The following GUCA1B variants were observed in gnomAD, a reference collection of about 807,000 sequenced individuals.
GUCA1B encodes guanylate cyclase activator 1B, also known as guanylyl cyclase-activating protein 2.
A neutral mutation model predicts 24.2 loss-of-function variants in GUCA1B; 22 were observed. That is an observed-to-expected ratio of 0.91 (90% CI 0.65 to 1.30). The LOEUF (loss-of-function observed/expected upper bound fraction) is 1.30, where lower values mean the gene tolerates loss of function less well. Ranked by LOEUF, GUCA1B falls within the 50% of genes most tolerant of loss-of-function variation. GUCA1B has a pLI of 0.00. For synonymous variants in GUCA1B, 100 were observed against 97.9 expected (o/e 1.02, Z -0.13); for missense variants, 221 against 258.8 (o/e 0.85, Z 1.00).
intron 1 of GUCA1B, among the ~76,000 whole-genome samples, chr6:42,190,097 T>C (rs1768277138): frequency 6.6e-6 from 1 of 152,018 alleles, no homozygotes; most frequent in Non-Finnish European, 1.5e-5. Context: ...GTGAACAAGG[T>C]TTGAGCAACA....
rs550667287 is a variant in GUCA1B at position 42,184,740 on chromosome 6, C to A, written c.*75G>T. The A allele has an allele frequency of 6.4e-5, 90 of 1,409,560 alleles. No homozygotes were observed. The East Asian group carries it at 1.7e-3, about 27-fold the overall frequency. 87.3% of individuals were successfully genotyped at this position (1,409,560 alleles called of 1,614,324 possible). A position where few individuals can be genotyped will look rare whatever the true frequency, so the allele number is the denominator to read the frequency against. ...ACACCAGGGGAAGAGTGGGCATGAGCAGGCTGAGCCAGGGACCCTCCTACT... is the reference window on the plus strand; with the variant it reads ...ACACCAGGGGAAGAGTGGGCATGAGAAGGCTGAGCCAGGGACCCTCCTACT... On this transcript the variant is annotated 3_prime_UTR_variant, in exon 4 of 4. Transcript: ENST00000230361.
chr6:42,194,613 C>CA lies in GUCA1B; in HGVS notation c.207_207+1insT (p.Asp70Ter). 6 of 1,599,138 alleles carry CA rather than the reference C, an allele frequency of 3.8e-6. No homozygotes were observed. Among genetic ancestry groups the CA allele is most frequent in the Non-Finnish European group, 4.3e-6 (5 of 1,166,254 alleles). On this transcript the variant is annotated frameshift_variant and splice_region_variant. Coordinates refer to ENST00000230361, the MANE Select transcript of GUCA1B (RefSeq NM_002098.6). LOFTEE classifies it high-confidence loss of function. ...TGGTCCTTCCCTTCAGGGTGCCTTA[C>CA]CCCATTCTTGTCGAAGGCTCGGAAC... is the stretch of plus-strand genomic sequence containing the variant.
At chr6:42,188,140 C>G (rs1372750024) in intron 2 of GUCA1B, among the ~76,000 whole-genome samples, 1 of 152,160 alleles carries the variant, frequency 6.6e-6, no homozygotes, top group Non-Finnish European at 1.5e-5. Context: ...GCCACTGCAC[C>G]CAGCTTCTGT....
rs369754399 is a variant in GUCA1B, at chr6:42,188,651, C to T, written c.288G>A (p.Trp96Ter). Residue 96 changes from tryptophan (W) to a stop codon, truncating the protein, a stop_gained, in exon 2 of 4, where the codon TGG (tryptophan) becomes TGA (stop). Transcript: ENST00000230361. LOFTEE classifies it high-confidence loss of function. ...LRGTLEHKLK[W>*]TFKIYDKDGN... ...CATCCTTATCATAGATCTTGAATGT[C>T]CACTTCAGCTTGTGCTCCAGGGTGC... is the stretch of plus-strand genomic sequence containing the variant. The T allele has an allele frequency of 4.3e-6, 7 of 1,614,040 alleles. No homozygotes were observed. The South Asian group carries it at 7.7e-5, about 18-fold the overall frequency.
intron 3 of GUCA1B, 101 bp downstream of exon 3, chr6:42,185,579 C>T (rs1768178729): frequency 1.3e-6 from 1 of 747,486 alleles, no homozygotes; most frequent in Admixed American, 1.9e-5. Context: ...CAGATGAGGA[C>T]CCCAGGGTTG....
In GUCA1B at chr6:42,184,453, C is replaced by T. The variant is rs186489645; in HGVS notation, c.*362G>A. 92 of 351,724 alleles carry T rather than the reference C, an allele frequency of 2.6e-4. No homozygotes were observed. The East Asian group carries it at 6.4e-3, about 24-fold the overall frequency. The allele number at this position is 351,724 out of a possible 1,614,324, so 21.8% of individuals were successfully genotyped here. ...CCTGCCTCCTACCAGTCTTTGTGTTCTCATTTCTGATTTGGTCTGTGGGAC... is the reference window on the plus strand; with the variant it reads ...CCTGCCTCCTACCAGTCTTTGTGTTTTCATTTCTGATTTGGTCTGTGGGAC... On this transcript the variant is annotated 3_prime_UTR_variant, in exon 4 of 4. Transcript: ENST00000230361.
chr6:42,191,767 C>T (rs1157886425), intron 1 of GUCA1B, among the ~76,000 whole-genome samples: 2 of 152,026 alleles, frequency 1.3e-5, no homozygotes, highest in Non-Finnish European at 2.9e-5. Context: ...ATGGCAGATA[C>T]CACCTTAACC....
chr6:42,192,365 A>G, intron 1 of GUCA1B, among the ~76,000 whole-genome samples: 1 of 37,792 alleles, frequency 2.6e-5, no homozygotes, highest in African/African-American at 1.1e-4. Flanking sequence ...AAAAAAAAAA[A>G]AAAAAAAAAA....
In GUCA1B at chr6:42,194,689, G is replaced by A. The variant is rs779983727; in HGVS notation, c.132C>T (p.Arg44=). 6.2e-7 allele frequency: 1 copy of A among 1,613,710 alleles called. No individual in the cohort carries two copies. The highest frequency in any genetic ancestry group is 1.1e-5 in the South Asian group (1 of 91,074). Residue 44 remains arginine (R), a synonymous_variant, in exon 1 of 4, where the codon CGC becomes CGT. Transcript: ENST00000230361. ...CCTCATCGTCTGTGACCTTGAAGAAGCGCTTAAACTCATGCATAAAGAGTG... is the reference window on the plus strand; with the variant it reads ...CCTCATCGTCTGTGACCTTGAAGAAACGCTTAAACTCATGCATAAAGAGTG... The part of the protein sequence containing the change: ...SGTLFMHEFK[R]FFKVTDDEEA...
intron 3 of GUCA1B, 30 bp from the exon 4 acceptor site, chr6:42,184,972 T>C (rs45501397): frequency 0.021 from 34,074 of 1,612,230 alleles, 437 homozygotes; most frequent in Non-Finnish European, 0.026. Flanking sequence ...GGTGGTCATG[T>C]AGAAGAAGGG....
chr6:42,188,902 A>ATCTATCTATCTATCTATCTATATCTATC (rs57981170), intron 1 of GUCA1B, among the ~76,000 whole-genome samples, 171 bp from the exon 2 acceptor site: 4 of 114,656 alleles, frequency 3.5e-5, no homozygotes, highest in African/African-American at 1.4e-4. Context: ...CTATCTATCT[A>ATCTATCTATCTATCTATCTATATCTATC]TATCTATATC....
At position 42,185,736 on chromosome 6, in the gene GUCA1B, A is replaced by G; in HGVS notation, c.419T>C (p.Leu140Pro). The G allele has an allele frequency of 6.2e-7, 1 of 1,613,576 alleles. No homozygotes were observed. Among genetic ancestry groups the G allele is most frequent in the Middle Eastern group, 1.6e-4 (1 of 6,062 alleles). ...RELQTEQGQLLTPEEVVDRIF... is the reference protein window; with the variant it reads ...RELQTEQGQLPTPEEVVDRIF... ...CCTGTCCACGACCTCCTCGGGTGTG[A>G]GCAGCTGGCCTTGCTCAGTTTGTAG... Residue 140 changes from leucine to proline, a missense_variant, in exon 3 of 4, where the codon CTC (leucine) becomes CCC (proline). Physicochemically the swap from Leu to Pro is moderately conservative, Grantham distance 98. Coordinates refer to ENST00000230361, the MANE Select transcript of GUCA1B (RefSeq NM_002098.6).
intron 1 of GUCA1B, 81 bp from the exon 2 acceptor site, chr6:42,188,812 T>A (rs74600252): frequency 0.065 from 86,580 of 1,336,268 alleles, 3,146 homozygotes; most frequent in Admixed American, 0.12. Context: ...ACACAGGGCT[T>A]CTCCTCCTCC....
At chr6:42,187,102 A>G (rs1012972503) in intron 2 of GUCA1B, among the ~76,000 whole-genome samples, 2 of 151,404 alleles carry the variant, frequency 1.3e-5, no homozygotes, top group East Asian at 3.9e-4. Context: ...CTATCTTTCG[A>G]TTTATTTTAT....
chr6:42,187,271 A>C (rs1178434806), intron 2 of GUCA1B, among the ~76,000 whole-genome samples: 1 of 151,768 alleles, frequency 6.6e-6, no homozygotes, highest in Non-Finnish European at 1.5e-5. Flanking sequence ...CACCCGGCTA[A>C]TTTTTTGTAT....
At chr6:42,188,547 G>A in intron 2 of GUCA1B, 35 bp downstream of exon 2, 2 of 1,609,928 alleles carry the variant, frequency 1.2e-6, no homozygotes, top group East Asian at 2.2e-5. Flanking sequence ...GTGCTCTAGT[G>A]CCCAGGCTGC....
At position 42,193,074 on chromosome 6, in the gene GUCA1B, CTG is replaced by C. The variant is rs368603720; in HGVS notation, c.207+1538_207+1539del. Reference sequence around the variant, plus strand: ...AGTAAATGATATAAAATGTGAATAACTGGGGAAATTTGGATAAATTGCATATG... The same window carrying C: ...AGTAAATGATATAAAATGTGAATAACGGGAAATTTGGATAAATTGCATATG... On this transcript the variant is annotated intron_variant, in intron 1 of 3. Transcript: ENST00000230361. 5.6e-3 allele frequency among the ~76,000 whole-genome samples: 845 copies of C among 152,124 alleles called. 3 individuals carry two copies. Among genetic ancestry groups the C allele is most frequent in the African/African-American group, 0.018 (743 of 41,514 alleles).
intron 1 of GUCA1B, among the ~76,000 whole-genome samples, chr6:42,191,914 C>T (rs35129077): frequency 0.55 from 83,007 of 151,448 alleles, 24,601 homozygotes; most frequent in East Asian, 0.85. Context: ...GGCTGTCCTA[C>T]AACATAACTC....
At chr6:42,194,216 C>T (rs192098308) in intron 1 of GUCA1B, among the ~76,000 whole-genome samples, 24 of 152,350 alleles carry the variant, frequency 1.6e-4, no homozygotes, top group Non-Finnish European at 3.1e-4. Context: ...TCATTTAGAA[C>T]ATCTCTTTTG....
Sources: gnomAD v4.1 joint callset for allele counts (sites outside exome capture counted in the v4.1 genomes callset) on GRCh38, gnomAD v4.1.1 for gene constraint, MANE v1.5 for transcripts, NCBI Gene and HGNC (gene_info 2026-07-23, HGNC 2026-07-21) for gene names.